Variants in RBMS3 observed in about 807,000 individuals in gnomAD.
The protein encoded by RBMS3 is RNA-binding motif, single-stranded-interacting protein 3.
Under a neutral mutation model 66.8 loss-of-function variants are expected in RBMS3, and 27 were observed. The ratio of observed to expected loss-of-function variants is 0.40; its 90% CI spans 0.30 to 0.56. The LOEUF (loss-of-function observed/expected upper bound fraction) is 0.56, where lower values mean the gene tolerates loss of function less well. RBMS3 is among the 20% of genes least tolerant of loss of function. RBMS3 has a pLI of 0.40. For synonymous variants in RBMS3, 188 were observed against 183.0 expected, an observed-to-expected ratio of 1.03 and a Z score of -0.22; for missense variants, 513 against 549.5, an observed-to-expected ratio of 0.93 and a Z score of 0.66.
At chr3:29,982,403 G>A (rs1385211825) in intron 12 of RBMS3, among the ~76,000 whole-genome samples, 1 of 152,056 alleles carries the variant, frequency 6.6e-6, no homozygotes, top group Non-Finnish European at 1.5e-5. Context: ...GGTTTTTAAT[G>A]TCTCTATCTC....
rs79893287 is a variant in RBMS3, at chr3:29,957,102, G to C, written c.1098+12848G>C. On this transcript the variant is annotated intron_variant, in intron 12 of 14. Coordinates refer to ENST00000383767, the MANE Select transcript of RBMS3 (RefSeq NM_001003793.3). ...TTGTCTCAAATGTTTTCTTCTTCTT[G>C]GAAGGTTGCCTTATCCTTTTGTCTT... Among the ~76,000 whole-genome samples the C allele has an allele frequency of 3.7e-3, 557 of 152,036 alleles. 19 individuals carry two copies. The East Asian group carries it at 0.071, about 19-fold the overall frequency.
chr3:29,671,633 C>T (rs1357777898), intron 4 of RBMS3, among the ~76,000 whole-genome samples: 1 of 152,176 alleles, frequency 6.6e-6, no homozygotes, highest in Non-Finnish European at 1.5e-5. Flanking sequence ...CTACGTGACA[C>T]ATGCACAAGC....
intron 5 of RBMS3, among the ~76,000 whole-genome samples, chr3:29,749,683 C>T (rs1488813830): frequency 6.6e-6 from 1 of 152,176 alleles, no homozygotes; most frequent in African/African-American, 2.4e-5. Context: ...ATCATAAGGT[C>T]AGGAACCTTG....
intron 2 of RBMS3, among the ~76,000 whole-genome samples, chr3:29,468,637 C>A (rs532985951): frequency 6.6e-6 from 1 of 152,172 alleles, no homozygotes; most frequent in South Asian, 2.1e-4. Context: ...TTTATTTGTA[C>A]TGTTAAATAT....
At chr3:29,316,926 T>G (rs1304910052) in intron 1 of RBMS3, among the ~76,000 whole-genome samples, 1 of 151,750 alleles carries the variant, frequency 6.6e-6, no homozygotes, top group Non-Finnish European at 1.5e-5. Context: ...ATATAAACAA[T>G]GAATACTGGA....
chr3:29,533,354 T>C (rs1333458954), intron 3 of RBMS3, among the ~76,000 whole-genome samples: 2 of 152,150 alleles, frequency 1.3e-5, no homozygotes, highest in African/African-American at 2.4e-5. Flanking sequence ...TAGTGGCATA[T>C]GCCCTTAGTC....
At chr3:29,456,354 T>C (rs959284605) in intron 2 of RBMS3, among the ~76,000 whole-genome samples, 2 of 152,168 alleles carry the variant, frequency 1.3e-5, no homozygotes, top group Admixed American at 1.3e-4. Flanking sequence ...AATACCATAT[T>C]ATACTAAAAA....
At chr3:29,750,323 G>A (rs1454014930) in intron 5 of RBMS3, among the ~76,000 whole-genome samples, 1 of 152,082 alleles carries the variant, frequency 6.6e-6, no homozygotes, top group East Asian at 1.9e-4. Context: ...ATAACGTTTT[G>A]AGAAGACTTA....
intron 3 of RBMS3, among the ~76,000 whole-genome samples, chr3:29,529,593 AT>A (rs1458582092): frequency 1.3e-5 from 2 of 152,130 alleles, no homozygotes; most frequent in African/African-American, 4.8e-5. Flanking sequence ...TCCCATAGAT[AT>A]TTTGATTTTT....
intron 7 of RBMS3, among the ~76,000 whole-genome samples, chr3:29,874,582 T>A (rs961618279): frequency 9.2e-5 from 14 of 152,218 alleles, no homozygotes; most frequent in African/African-American, 3.4e-4. Context: ...ACATATGTGA[T>A]CTTGAAAAGA....
intron 3 of RBMS3, among the ~76,000 whole-genome samples, chr3:29,558,983 A>C (rs1409376320): frequency 6.6e-6 from 1 of 152,220 alleles, no homozygotes; most frequent in Non-Finnish European, 1.5e-5. Flanking sequence ...AGATTATTTA[A>C]TACTGTATAA....
chr3:29,783,193 AAAG>A (rs1433838658), intron 6 of RBMS3, among the ~76,000 whole-genome samples: 5 of 152,174 alleles, frequency 3.3e-5, no homozygotes, highest in African/African-American at 1.2e-4. Context: ...CAAGAAACTC[AAAG>A]AACACCTGGA....
intron 10 of RBMS3, among the ~76,000 whole-genome samples, chr3:29,917,426 C>G (rs971117143): frequency 3.9e-5 from 6 of 152,146 alleles, no homozygotes; most frequent in East Asian, 1.9e-4. Context: ...CCACTATGTA[C>G]CAGATATGTG....
chr3:29,454,137 G>T (rs571948331), intron 2 of RBMS3, among the ~76,000 whole-genome samples: 1 of 152,308 alleles, frequency 6.6e-6, no homozygotes, highest in South Asian at 2.1e-4. Context: ...TAAGCTTTTG[G>T]AAGGGAGAAA....
At chr3:29,850,625 A>G (rs1228317164) in intron 6 of RBMS3, among the ~76,000 whole-genome samples, 1 of 152,218 alleles carries the variant, frequency 6.6e-6, no homozygotes, top group Non-Finnish European at 1.5e-5. Flanking sequence ...CTTAGAATGA[A>G]GGATCTTAGA....
intron 2 of RBMS3, among the ~76,000 whole-genome samples, chr3:29,446,940 G>T (rs2041854729): frequency 1.8e-5 from 2 of 110,754 alleles, no homozygotes; most frequent in South Asian, 3.3e-4. Context: ...TGGAGACAGA[G>T]TATCACTCTT....
At chr3:29,706,779 C>A (rs2052915844) in intron 4 of RBMS3, among the ~76,000 whole-genome samples, 1 of 152,146 alleles carries the variant, frequency 6.6e-6, no homozygotes, top group African/African-American at 2.4e-5. Context: ...TTCCCAGAAA[C>A]CTTTGTGCAC....
intron 4 of RBMS3, among the ~76,000 whole-genome samples, chr3:29,608,025 A>G (rs1327963044): frequency 6.6e-6 from 1 of 151,962 alleles, no homozygotes; most frequent in African/African-American, 2.4e-5. Flanking sequence ...CATGCCCATC[A>G]TCCAGCTTCA....
intron 1 of RBMS3, among the ~76,000 whole-genome samples, chr3:29,401,925 A>G (rs1350521344): frequency 6.6e-6 from 1 of 152,036 alleles, no homozygotes; most frequent in Non-Finnish European, 1.5e-5. Context: ...AAATTAGAGA[A>G]AGACAGCTTT....
Sources: gnomAD v4.1 joint callset for allele counts (sites outside exome capture counted in the v4.1 genomes callset) on GRCh38, gnomAD v4.1.1 for gene constraint, MANE v1.5 for transcripts, NCBI Gene and HGNC (gene_info 2026-07-23, HGNC 2026-07-21) for gene names.